Variants in DCLK1 observed in about 807,000 individuals in gnomAD.
DCLK1 encodes the protein serine/threonine-protein kinase DCLK1.
In DCLK1, 16 loss-of-function variants were observed where a neutral mutation model predicts 86.2. The ratio of observed to expected loss-of-function variants is 0.19; its 90% CI spans 0.13 to 0.28. The LOEUF (loss-of-function observed/expected upper bound fraction) is 0.28, where lower values mean the gene tolerates loss of function less well. DCLK1 is among the 10% of genes least tolerant of loss of function. The pLI is 1.00. For missense variants in DCLK1, 590 were observed against 940.2 expected (o/e 0.63, Z 4.87); for synonymous variants, 369 against 370.5 (o/e 1.00, Z 0.05).
At chr13:35,803,249 A>G (rs1477755380) in intron 15 of DCLK1, among the ~76,000 whole-genome samples, 1 of 152,228 alleles carries the variant, frequency 6.6e-6, no homozygotes, top group Admixed American at 6.5e-5. Flanking sequence ...CTTATCTTGT[A>G]GGCTTGTTAT....
chr13:35,984,503 T>C (rs1879806610), intron 3 of DCLK1, among the ~76,000 whole-genome samples: 1 of 152,178 alleles, frequency 6.6e-6, no homozygotes, highest in Non-Finnish European at 1.5e-5. Context: ...GCTGTTGAGC[T>C]GGAGGCAGCA....
At position 36,112,158 on chromosome 13, in the gene DCLK1, T is replaced by C. The variant is rs1230251110; in HGVS notation, c.434A>G (p.Asn145Ser). The C allele has an allele frequency of 6.2e-7, 1 of 1,610,454 alleles. No homozygotes were observed. Among genetic ancestry groups the C allele is most frequent in the Non-Finnish European group, 8.5e-7 (1 of 1,177,058 alleles). ...GTTCACCGACCAGTTGGGGTTCACA[T>C]TCTTGGTGTACTCCAGTTTCTTGAA... The part of the protein sequence containing the change: ...EPFKKLEYTK[N>S]VNPNWSVNVK... Residue 145 changes from asparagine to serine, a missense_variant, in exon 3 of 17, where the codon AAT (asparagine) becomes AGT (serine). Physicochemically the swap from Asn to Ser is conservative, Grantham distance 46. This residue lies in a region of DCLK1 where 195 missense variants were observed against 365.1 expected (regional missense o/e 0.53). Coordinates refer to ENST00000360631, the MANE Select transcript of DCLK1 (RefSeq NM_001330071.2).
intron 6 of DCLK1, among the ~76,000 whole-genome samples, chr13:35,853,398 T>G (rs1474344039): frequency 1.3e-5 from 2 of 152,182 alleles, no homozygotes; most frequent in Non-Finnish European, 2.9e-5. Context: ...AAGTTCCACC[T>G]GATGCCAGGT....
intron 3 of DCLK1, among the ~76,000 whole-genome samples, chr13:36,051,514 T>G (rs549778404): frequency 6.6e-6 from 1 of 152,050 alleles, no homozygotes; most frequent in East Asian, 1.9e-4. Context: ...TGGTTTAGAT[T>G]ATAAAACCCT....
rs201502101 is a variant in DCLK1, at chr13:35,914,418, G to A, written c.823+32940C>T. 2.6e-4 allele frequency among the ~76,000 whole-genome samples: 37 copies of A among 142,640 alleles called. No homozygotes were observed. In the East Asian group the frequency reaches 6.3e-3, roughly 24 times the overall value. The allele number at this position is 142,640 out of a possible 152,430, so 93.6% of individuals were successfully genotyped here. ...GCAAAATTATTGCTAATTGAAAAGAGAACTGAAACTAACCAAGGCCAGACA... is the reference window on the plus strand; with the variant it reads ...GCAAAATTATTGCTAATTGAAAAGAAAACTGAAACTAACCAAGGCCAGACA... On this transcript the variant is annotated intron_variant, in intron 4 of 16. Transcript: ENST00000360631.
At chr13:35,869,236 T>C (rs1872085092) in intron 5 of DCLK1, 3 of 421,976 alleles carry the variant, frequency 7.1e-6, no homozygotes, top group South Asian at 5.3e-5. Context: ...AGGATCACTC[T>C]GTCATTCTGT....
chr13:36,018,983 C>A (rs1185927506), intron 3 of DCLK1, among the ~76,000 whole-genome samples: 4 of 152,104 alleles, frequency 2.6e-5, no homozygotes, highest in African/African-American at 9.7e-5. Flanking sequence ...ATTATAGACC[C>A]AATTGCTTGT....
At chr13:35,832,865 A>C (rs1424031651) in intron 8 of DCLK1, among the ~76,000 whole-genome samples, 1 of 152,202 alleles carries the variant, frequency 6.6e-6, no homozygotes, top group East Asian at 1.9e-4. Context: ...GGAAAGAAGG[A>C]AGAACAGTAA....
intron 4 of DCLK1, among the ~76,000 whole-genome samples, chr13:35,940,392 T>C (rs1877022229): frequency 6.6e-6 from 1 of 152,132 alleles, no homozygotes; most frequent in Non-Finnish European, 1.5e-5. Flanking sequence ...ACATAGTAAG[T>C]TAGCTTATTG....
At chr13:35,811,048 GT>G in intron 11 of DCLK1, 80 bp from the exon 12 acceptor site, 1 of 1,572,486 alleles carries the variant, frequency 6.4e-7, no homozygotes, top group South Asian at 1.1e-5. Context: ...GGAACACTGT[GT>G]TTAAATTTAA....
intron 5 of DCLK1, among the ~76,000 whole-genome samples, chr13:35,863,384 G>T (rs1871540165): frequency 6.6e-6 from 1 of 152,190 alleles, no homozygotes; most frequent in Non-Finnish European, 1.5e-5. Context: ...TTAACCTGGG[G>T]CATTAACTGT....
chr13:36,040,732 G>A (rs1424654294), intron 3 of DCLK1, among the ~76,000 whole-genome samples: 1 of 151,744 alleles, frequency 6.6e-6, no homozygotes, highest in Non-Finnish European at 1.5e-5. Context: ...GAAATTCTTG[G>A]AGATTTATCT....
At chr13:36,123,915 G>T (rs1293839891) in intron 2 of DCLK1, among the ~76,000 whole-genome samples, 1 of 152,194 alleles carries the variant, frequency 6.6e-6, no homozygotes, top group Non-Finnish European at 1.5e-5. Flanking sequence ...AGGGAGTACT[G>T]TCATCTACCA....
At chr13:35,878,297 A>C (rs1872698277) in intron 4 of DCLK1, among the ~76,000 whole-genome samples, 1 of 152,184 alleles carries the variant, frequency 6.6e-6, no homozygotes, top group South Asian at 2.1e-4. Context: ...AGGCTTCTTG[A>C]GGAAAGGATG....
At chr13:36,097,814 C>A (rs1885068883) in intron 3 of DCLK1, among the ~76,000 whole-genome samples, 1 of 150,592 alleles carries the variant, frequency 6.6e-6, no homozygotes. Flanking sequence ...GCAGGCACAC[C>A]AATAAAGCTC....
chr13:35,827,001 T>C (rs2153105931), intron 10 of DCLK1, among the ~76,000 whole-genome samples: 1 of 152,344 alleles, frequency 6.6e-6, no homozygotes, highest in African/African-American at 2.4e-5. Context: ...CCCGAAAATG[T>C]CAAATGTATG....
At chr13:36,026,493 C>T (rs1882039504) in intron 3 of DCLK1, among the ~76,000 whole-genome samples, 1 of 152,142 alleles carries the variant, frequency 6.6e-6, no homozygotes, top group Non-Finnish European at 1.5e-5. Flanking sequence ...CATACTACAT[C>T]TAAGACATTA....
intron 4 of DCLK1, among the ~76,000 whole-genome samples, chr13:35,903,465 C>T (rs1222873641): frequency 6.6e-6 from 1 of 152,124 alleles, no homozygotes; most frequent in Non-Finnish European, 1.5e-5. Context: ...TTGTTTCTTC[C>T]TATTTCATTG....
At position 35,773,054 on chromosome 13, in the gene DCLK1, G is replaced by A. The variant is rs2086362269; in HGVS notation, c.*1481C>T. On this transcript the variant is annotated 3_prime_UTR_variant, in exon 17 of 17. Transcript: ENST00000360631. The stretch of plus-strand genomic sequence containing the variant: ...CAGCAAACCTTGGGAATACATTTGA[G>A]TTGGGCACCTGCCTCTAAGACACCC... The A allele has an allele frequency of 6.6e-6, 1 of 152,160 alleles. No homozygotes were observed. The highest frequency in any genetic ancestry group is 1.5e-5 in the Non-Finnish European group (1 of 68,036). 9.4% of individuals were successfully genotyped at this position (152,160 alleles called of 1,614,324 possible).
Sources: gnomAD v4.1 joint callset for allele counts (sites outside exome capture counted in the v4.1 genomes callset) on GRCh38, gnomAD v4.1.1 for gene constraint, gnomAD v4.1.1 regional missense constraint, MANE v1.5 for transcripts, NCBI Gene and HGNC (gene_info 2026-07-23, HGNC 2026-07-21) for gene names.